DLG5: variants seen among roughly 807,000 people sequenced by gnomAD.
DLG5 encodes disks large homolog 5.
In DLG5, 48 loss-of-function variants were observed where a neutral mutation model predicts 189.8. That is an observed-to-expected ratio of 0.25 (90% CI 0.20 to 0.32). The LOEUF is 0.32. Among genes scored for constraint, DLG5 ranks in the 10% least tolerant of loss-of-function variants. The probability of loss-of-function intolerance (pLI) is 1.00; values close to 1 mark genes in which losing one functional copy is unlikely to be tolerated. For synonymous variants in DLG5, 1,016 were observed against 1,054.1 expected, an observed-to-expected ratio of 0.96 and a Z score of 0.70; for missense variants, 2,160 against 2,544.7, an observed-to-expected ratio of 0.85 and a Z score of 3.25.
At chr10:77,851,946 A>G (rs1843995865) in intron 5 of DLG5, among the ~76,000 whole-genome samples, 1 of 152,226 alleles carries the variant, frequency 6.6e-6, no homozygotes, top group Non-Finnish European at 1.5e-5. Context: ...TGAGGAGACC[A>G]GGCCTGACAG....
intron 2 of DLG5, among the ~76,000 whole-genome samples, chr10:77,863,798 C>A (rs968941982): frequency 6.6e-6 from 1 of 152,166 alleles, no homozygotes; most frequent in East Asian, 1.9e-4. Flanking sequence ...TGGCCCAAAA[C>A]AGGAAGACAC....
chr10:77,903,837 A>T (rs1845999880), intron 1 of DLG5, among the ~76,000 whole-genome samples: 2 of 152,222 alleles, frequency 1.3e-5, no homozygotes, highest in Non-Finnish European at 2.9e-5. Flanking sequence ...CTGTTACAGC[A>T]TCAGACCTAA....
Position 77,821,805 on chromosome 10 carries a change from G to A in DLG5, c.2679C>T (p.Ser893=). Residue 893 remains serine, a synonymous_variant, in exon 15 of 32, where the codon AGC becomes AGT. Transcript: ENST00000372391. ...ACPSASERSL[S]SFRSDASGDR... ...CCCCAGAGGCATCTGAGCGGAAGGA[G>A]CTCAGGCTACGCTCAGAGGCACTGG... The A allele has an allele frequency of 1.2e-6, 2 of 1,612,666 alleles. No individual in the cohort carries two copies. Among genetic ancestry groups the A allele is most frequent in the South Asian group, 1.1e-5 (1 of 90,950 alleles).
In DLG5 at chr10:77,796,676, C is replaced by T; in HGVS notation, c.5165-82G>A. On this transcript the variant is annotated intron_variant, in intron 27 of 31. Transcript: ENST00000372391. The surrounding 1 kb of genome is among the most constrained non-coding windows in gnomAD (Gnocchi z 5.2). ...GGGGCTGGGGAACCCCGCTCCCTGA[C>T]CTCGCCCACTCTGGTTTGCCTGGGA... 5.8e-6 allele frequency: 9 copies of T among 1,564,852 alleles called. No individual in the cohort carries two copies. Among genetic ancestry groups the T allele is most frequent in the South Asian group, 5.7e-5 (5 of 87,210 alleles).
In DLG5 at chr10:77,796,381, G is replaced by A. The variant is rs1472549680; in HGVS notation, c.5308+70C>T. 3 of 1,610,968 alleles carry A rather than the reference G, an allele frequency of 1.9e-6. No homozygotes were observed. The highest frequency in any genetic ancestry group is 3.3e-5 in the Admixed American group (2 of 59,906). ...TACTGCCACCCACTGTGCACAGCTG[G>A]GCAGGCAGGTGGACAGGGACATAGA... On this transcript the variant is annotated intron_variant, in intron 28 of 31. Coordinates refer to ENST00000372391, the MANE Select transcript of DLG5 (RefSeq NM_004747.4). This position sits in a 1 kb window ranked among gnomAD's most constrained non-coding sequence, Gnocchi z 5.2.
At chr10:77,862,442 G>A (rs926996244) in intron 2 of DLG5, among the ~76,000 whole-genome samples, 3 of 152,200 alleles carry the variant, frequency 2.0e-5, no homozygotes, top group Non-Finnish European at 4.4e-5. Context: ...AAAAAGCAAT[G>A]CCACCAAATG....
chr10:77,905,782 T>C (rs570235757), intron 1 of DLG5, among the ~76,000 whole-genome samples: 1 of 152,292 alleles, frequency 6.6e-6, no homozygotes, highest in African/African-American at 2.4e-5. Flanking sequence ...TCTCTCGTCT[T>C]ATTTATTTCC....
At chr10:77,797,024 C>A (rs942398400) in intron 27 of DLG5, among the ~76,000 whole-genome samples, 6 of 152,184 alleles carry the variant, frequency 3.9e-5, no homozygotes, top group Non-Finnish European at 8.8e-5. Context: ...ATCTGCACGG[C>A]TAGAACAGGT....
intron 2 of DLG5, among the ~76,000 whole-genome samples, chr10:77,862,281 C>T (rs573365945): frequency 1.6e-4 from 24 of 152,246 alleles, no homozygotes; most frequent in African/African-American, 5.3e-4. Flanking sequence ...CTGAGTTAAT[C>T]TGTCCCTGGA....
intron 5 of DLG5, among the ~76,000 whole-genome samples, chr10:77,848,388 A>G (rs1263419282): frequency 3.3e-5 from 5 of 152,184 alleles, no homozygotes; most frequent in African/African-American, 1.2e-4. Context: ...AAGACAGGGG[A>G]AAGGGCAAGG....
intron 1 of DLG5, among the ~76,000 whole-genome samples, chr10:77,870,979 A>T (rs1057405196): frequency 2.6e-5 from 4 of 152,084 alleles, no homozygotes; most frequent in African/African-American, 9.7e-5. Flanking sequence ...GGAGAGAAAA[A>T]AGAGAAAGCA....
At chr10:77,813,621 C>T (rs150990318) in intron 20 of DLG5, among the ~76,000 whole-genome samples, 1,538 of 152,262 alleles carry the variant, frequency 0.01, 25 homozygotes, top group African/African-American at 0.034. Context: ...AGCACACAGC[C>T]ACCCCTACAT....
intron 23 of DLG5, among the ~76,000 whole-genome samples, chr10:77,810,436 G>A (rs1841705704): frequency 6.6e-6 from 1 of 152,186 alleles, no homozygotes; most frequent in African/African-American, 2.4e-5. Context: ...TGGAGACACA[G>A]CTCCTCCAGG....
the DLG5 span, among the ~76,000 whole-genome samples, chr10:77,935,258 G>A: frequency 1.3e-5 from 2 of 152,156 alleles, no homozygotes; most frequent in African/African-American, 4.8e-5. Context: ...GAGCAGAAGA[G>A]ACATCGACTT....
chr10:77,815,234 T>G (rs1329816990), intron 20 of DLG5, among the ~76,000 whole-genome samples: 2 of 152,240 alleles, frequency 1.3e-5, no homozygotes, highest in Non-Finnish European at 2.9e-5. Context: ...TGGTAAGAGC[T>G]CCGTCAGCAT....
At chr10:77,893,746 G>A (rs887826224) in intron 1 of DLG5, among the ~76,000 whole-genome samples, 1 of 152,208 alleles carries the variant, frequency 6.6e-6, no homozygotes, top group Non-Finnish European at 1.5e-5. Flanking sequence ...AACGGCCTGT[G>A]GACTAGAAGT....
At position 77,926,404 on chromosome 10, in the gene DLG5, G is replaced by A. The variant is rs772374033; in HGVS notation, c.117C>T (p.Gly39=). ...LLEAAGALSP[G]ERRQLDEEAG... is the part of the protein sequence containing the mutation. ...CCTCCTCGTCCAGCTGCCGCCGCTC[G>A]CCGGGACTGAGCGCTCCCGCGGCCT... Residue 39 remains glycine, a synonymous_variant, in exon 1 of 32, where the codon GGC becomes GGT. Transcript: ENST00000372391. The surrounding 1 kb of genome is among the most constrained non-coding windows in gnomAD (Gnocchi z 5.2). 1.9e-6 allele frequency: 3 copies of A among 1,587,214 alleles called. No homozygotes were observed. The highest frequency in any genetic ancestry group is 1.2e-5 in the South Asian group (1 of 85,996).
rs984733712 is a variant in DLG5, at chr10:77,843,583, T to C, written c.988A>G (p.Ile330Val). The C allele has an allele frequency of 1.2e-6, 2 of 1,614,052 alleles. No individual in the cohort carries two copies. Among genetic ancestry groups the C allele is most frequent in the African/African-American group, 2.7e-5 (2 of 74,924 alleles). Residue 330 changes from isoleucine to valine, a missense_variant, in exon 6 of 32, where the codon ATC becomes GTC. By Grantham distance (29) the Ile-to-Val change is conservative (BLOSUM62 3). Coordinates refer to ENST00000372391, the MANE Select transcript of DLG5 (RefSeq NM_004747.4). ...LRKRYSEKVA[I>V]HNADLSRLEQ... is the part of the protein sequence containing the mutation. The stretch of plus-strand genomic sequence containing the variant: ...AGGCGGCTCAGGTCTGCATTGTGGA[T>C]GGCGACTTTCTCACTGTACCTCTTC...
At chr10:77,882,740 C>G (rs1300943958) in intron 1 of DLG5, among the ~76,000 whole-genome samples, 1 of 142,638 alleles carries the variant, frequency 7.0e-6, no homozygotes, top group African/African-American at 2.7e-5. Context: ...GGTGAAACCT[C>G]GTCTCTACTA....
Sources: gnomAD v4.1 joint callset for allele counts (sites outside exome capture counted in the v4.1 genomes callset) on GRCh38, gnomAD v4.1.1 for gene constraint, Gnocchi (gnomAD v3.1) non-coding constraint, MANE v1.5 for transcripts, NCBI Gene and HGNC (gene_info 2026-07-23, HGNC 2026-07-21) for gene names.